The following VPS13C variants were observed in gnomAD, a reference collection of about 807,000 sequenced individuals.
The protein encoded by VPS13C is intermembrane lipid transfer protein VPS13C.
A neutral mutation model predicts 456.8 loss-of-function variants in VPS13C; 358 were observed. The observed-to-expected ratio is 0.78, with a 90% CI of 0.72 to 0.86. VPS13C has a LOEUF of 0.86. Among genes scored for constraint, VPS13C ranks in the 40% least tolerant of loss-of-function variants. The pLI is 0.00. For missense variants in VPS13C, 4,818 were observed against 4,385.4 expected, an observed-to-expected ratio of 1.10 and a Z score of -2.79; for synonymous variants, 1,578 against 1,486.7, an observed-to-expected ratio of 1.06 and a Z score of -1.41.
Position 61,868,783 on chromosome 15 carries a change from G to A in VPS13C, c.10749-10C>T. ...AGTTGATTCTGCTGCCCTGAATAAGGCATCAGAGTAAGTGTAAGAAAATAC... is the reference window on the plus strand; with the variant it reads ...AGTTGATTCTGCTGCCCTGAATAAGACATCAGAGTAAGTGTAAGAAAATAC... On this transcript the variant is annotated splice_polypyrimidine_tract_variant and intron_variant, in intron 80 of 84. Transcript: ENST00000644861. 1 of 1,606,004 alleles carries A rather than the reference G, an allele frequency of 6.2e-7. No homozygotes were observed. Among genetic ancestry groups the A allele is most frequent in the Non-Finnish European group, 8.5e-7 (1 of 1,174,562 alleles).
rs111784309 is a variant in VPS13C at position 61,854,542 on chromosome 15, A to G, written c.11177T>C (p.Ile3726Thr). 5 of 1,614,050 alleles carry G rather than the reference A, an allele frequency of 3.1e-6. No individual in the cohort carries two copies. The African/African-American group carries it at 4.0e-5, about 13-fold the overall frequency. ...CTGTCTCGTTGACTGTGCATCCTCA[A>G]TGGCATTACATGCTCTCTGTAAAGT... Reference protein sequence around the residue: ...TATAERACNAIEDAQSTRQQQ... With the variant: ...TATAERACNATEDAQSTRQQQ... The change falls in exon 85 of 85, where the codon ATT becomes ACT. Residue 3726 changes from isoleucine (I) to threonine (T), a missense_variant. Transcript: ENST00000644861.
At chr15:61,869,095 G>C (rs1245822621) in intron 80 of VPS13C, among the ~76,000 whole-genome samples, 1 of 149,464 alleles carries the variant, frequency 6.7e-6, no homozygotes, top group Non-Finnish European at 1.5e-5. Flanking sequence ...CATAAAATAT[G>C]TCTCTTTTCT....
intron 66 of VPS13C, among the ~76,000 whole-genome samples, chr15:61,905,342 C>CT (rs1282873291): frequency 6.6e-6 from 1 of 152,124 alleles, no homozygotes; most frequent in African/African-American, 2.4e-5. Context: ...TACCATCTAT[C>CT]TTCATGGTTA....
At chr15:62,005,576 A>T (rs1333188413) in intron 15 of VPS13C, among the ~76,000 whole-genome samples, 1 of 146,464 alleles carries the variant, frequency 6.8e-6, no homozygotes, top group Non-Finnish European at 1.5e-5. Context: ...TTAGCTGGTG[A>T]TTTTGCTCGT....
rs1377701135 is a variant in VPS13C at position 62,037,235 on chromosome 15, TA to T, written c.188-2184del. 1.5e-3 allele frequency among the ~76,000 whole-genome samples: 85 copies of T among 55,146 alleles called. 1 individual carries two copies. Among genetic ancestry groups the T allele is most frequent in the African/African-American group, 5.7e-3 (82 of 14,402 alleles). 36.2% of individuals were successfully genotyped at this position (55,146 alleles called of 152,430 possible). A position where few individuals can be genotyped will look rare whatever the true frequency, so the allele number is the denominator to read the frequency against. Reference sequence around the variant, plus strand: ...AATATATTATATAATATATTATATATAAATATATATAATATATTTATATATA... The same window carrying T: ...AATATATTATATAATATATTATATATAATATATATAATATATTTATATATA... On this transcript the variant is annotated intron_variant, in intron 3 of 84. Transcript: ENST00000644861.
At chr15:61,996,049 G>A (rs947091736) in intron 16 of VPS13C, among the ~76,000 whole-genome samples, 1 of 152,172 alleles carries the variant, frequency 6.6e-6, no homozygotes, top group African/African-American at 2.4e-5. Context: ...GTTCATGAAG[G>A]CCAGAATGTA....
chr15:61,914,500 C>T (rs1029203324), intron 61 of VPS13C, among the ~76,000 whole-genome samples: 2 of 151,572 alleles, frequency 1.3e-5, no homozygotes, highest in East Asian at 2.0e-4. Context: ...ACCCGGGAGG[C>T]GGAGGTTGCA....
chr15:61,893,557 A>G (rs1380034613), intron 66 of VPS13C, among the ~76,000 whole-genome samples: 1 of 151,778 alleles, frequency 6.6e-6, no homozygotes, highest in African/African-American at 2.4e-5. Context: ...ACTCACTGGT[A>G]AAACTAAGTA....
At chr15:61,930,144 T>C (rs2044007250) in intron 50 of VPS13C, among the ~76,000 whole-genome samples, 1 of 152,200 alleles carries the variant, frequency 6.6e-6, no homozygotes, top group Non-Finnish European at 1.5e-5. Flanking sequence ...ATTTATGAAA[T>C]AAAACCTCCC....
Position 61,972,729 on chromosome 15 carries a change from C to T in VPS13C, c.2653G>A (p.Glu885Lys). 1 of 1,612,202 alleles carries T rather than the reference C, an allele frequency of 6.2e-7. No homozygotes were observed. The highest frequency in any genetic ancestry group is 2.2e-5 in the East Asian group (1 of 44,836). Residue 885 changes from glutamate (E) to lysine (K), a missense_variant, in exon 27 of 85, where the codon GAA (glutamate) becomes AAA (lysine). Glu to Lys is a moderately conservative substitution (Grantham distance 56). Coordinates refer to ENST00000644861, the MANE Select transcript of VPS13C (RefSeq NM_020821.3). ...TTCATACTTTTACAAGTCTGTGGTTCTCCATCTTCAGCATCAAAATACTCA... is the reference window on the plus strand; with the variant it reads ...TTCATACTTTTACAAGTCTGTGGTTTTCCATCTTCAGCATCAAAATACTCA... The part of the protein sequence containing the change: ...DDEYFDAEDG[E>K]PQTCKSMKGS...
chr15:62,049,953 G>C (rs1437587802), intron 1 of VPS13C, among the ~76,000 whole-genome samples: 2 of 152,140 alleles, frequency 1.3e-5, no homozygotes, highest in East Asian at 3.8e-4. Flanking sequence ...CATTGATTTT[G>C]TATCCTGAGA....
intron 1 of VPS13C, among the ~76,000 whole-genome samples, chr15:62,048,944 G>A (rs2048524279): frequency 6.6e-6 from 1 of 151,720 alleles, no homozygotes; most frequent in Non-Finnish European, 1.5e-5. Flanking sequence ...ACTTTTTGAT[G>A]GGGTTGTTTG....
intron 15 of VPS13C, among the ~76,000 whole-genome samples, chr15:62,007,079 A>T (rs2046876046): frequency 6.6e-6 from 1 of 152,132 alleles, no homozygotes; most frequent in Non-Finnish European, 1.5e-5. Flanking sequence ...CCTTTCCCCA[A>T]ATTGTTTACA....
Position 61,868,738 on chromosome 15 carries a change from C to T in VPS13C, c.10784G>A (p.Arg3595His), listed in dbSNP as rs757532526. 18 of 1,613,840 alleles carry T rather than the reference C, an allele frequency of 1.1e-5. No homozygotes were observed. The highest frequency in any genetic ancestry group is 1.7e-5 in the Admixed American group (1 of 59,960). Residue 3595 changes from arginine to histidine, a missense_variant, in exon 81 of 85, where the codon CGT (arginine) becomes CAT (histidine). Physicochemically the swap from Arg to His is conservative, Grantham distance 29. Coordinates refer to ENST00000644861, the MANE Select transcript of VPS13C (RefSeq NM_020821.3). Reference sequence around the variant, plus strand: ...ATCTTCATGGATCAGGCGAGGGGGACGGAGGCTAGATACTTCCTCAGTTGA... The same window carrying T: ...ATCTTCATGGATCAGGCGAGGGGGATGGAGGCTAGATACTTCCTCAGTTGA... ...AESTEEVSSL[R>H]PPRLIHEDGI...
chr15:61,871,810 A>C (rs1218342697), intron 79 of VPS13C, among the ~76,000 whole-genome samples, 179 bp downstream of exon 79: 1 of 152,148 alleles, frequency 6.6e-6, no homozygotes, highest in Non-Finnish European at 1.5e-5. Context: ...AGCATGATCT[A>C]CTACTTAACC....
chr15:61,879,402 C>T (rs1895694595), intron 73 of VPS13C: 1 of 152,042 alleles, frequency 6.6e-6, no homozygotes, highest in Non-Finnish European at 1.5e-5. Flanking sequence ...GGGGCAACGC[C>T]AGGAAAGCCT....
intron 3 of VPS13C, among the ~76,000 whole-genome samples, chr15:62,035,422 G>C (rs1451399792): frequency 3.3e-5 from 5 of 151,904 alleles, no homozygotes; most frequent in Admixed American, 3.3e-4. Flanking sequence ...GCAGTGACCA[G>C]ATTATTAGTA....
chr15:61,909,028 T>G lies in VPS13C; in HGVS notation c.8942A>C (p.Asn2981Thr). ...TGTGAGGATGTCCCATGGTGTATGG[T>G]TCATTATCAAGGCAGGTGCAGATCC... Reference protein sequence around the residue: ...HEGSAPALIMNHTPWDILTYK... With the variant: ...HEGSAPALIMTHTPWDILTYK... Residue 2981 changes from asparagine to threonine, a missense_variant, in exon 65 of 85, where the codon AAC (asparagine) becomes ACC (threonine). Physicochemically the swap from Asn to Thr is moderately conservative, Grantham distance 65. Transcript: ENST00000644861. The G allele has an allele frequency of 6.2e-7, 1 of 1,614,040 alleles. No individual in the cohort carries two copies. Among genetic ancestry groups the G allele is most frequent in the South Asian group, 1.1e-5 (1 of 91,058 alleles).
rs144616531 is a variant in VPS13C at position 61,908,401 on chromosome 15, A to G, written c.8978+591T>C. 3.8e-3 allele frequency among the ~76,000 whole-genome samples: 579 copies of G among 151,826 alleles called. 1 individual carries two copies. The highest frequency in any genetic ancestry group is 5.0e-3 in the Non-Finnish European group (340 of 67,894). On this transcript the variant is annotated intron_variant, in intron 65 of 84. Coordinates refer to ENST00000644861, the MANE Select transcript of VPS13C (RefSeq NM_020821.3). ...AATTTTATAAATAAAATTATACGATACTTTAAGGGCTTAAATTCTCTACCA... is the reference window on the plus strand; with the variant it reads ...AATTTTATAAATAAAATTATACGATGCTTTAAGGGCTTAAATTCTCTACCA...
Sources: allele counts gnomAD v4.1 joint callset (sites outside exome capture counted in the v4.1 genomes callset), GRCh38; gene constraint gnomAD v4.1.1; transcripts MANE v1.5; gene names NCBI Gene and HGNC (gene_info 2026-07-23, HGNC 2026-07-21).